AGRN: variants seen among roughly 807,000 people sequenced by gnomAD.
The protein encoded by AGRN is agrin, also known as agrin proteoglycan.
In AGRN, 106 loss-of-function variants were observed where a neutral mutation model predicts 211.0. That is an observed-to-expected ratio of 0.50 (90% CI 0.43 to 0.59). The LOEUF (loss-of-function observed/expected upper bound fraction) is 0.59, where lower values mean the gene tolerates loss of function less well. Ranked by LOEUF, AGRN falls within the 20% of genes least tolerant of loss-of-function variation. AGRN has a pLI of 0.00. For missense variants in AGRN, 3,040 were observed against 2,982.6 expected, an observed-to-expected ratio of 1.02 and a Z score of -0.45; for synonymous variants, 1,525 against 1,332.5, an observed-to-expected ratio of 1.14 and a Z score of -3.15.
At chr1:1,050,104 C>T (rs1430402512) in intron 27 of AGRN, 67 bp downstream of exon 27, 3 of 1,571,314 alleles carry the variant, frequency 1.9e-6, no homozygotes, top group South Asian at 1.1e-5. Flanking sequence ...GGTACAGGTT[C>T]CAGGTAGCAT....
At position 1,050,437 on chromosome 1, in the gene AGRN, G is replaced by A. The variant is rs780295605; in HGVS notation, c.4987G>A (p.Ala1663Thr). The A allele has an allele frequency of 8.1e-6, 13 of 1,612,918 alleles. No homozygotes were observed. The highest frequency in any genetic ancestry group is 3.3e-5 in the Admixed American group (2 of 59,992). Residue 1663 changes from alanine to threonine, a missense_variant, in exon 29 of 36, where the codon GCG becomes ACG. Transcript: ENST00000379370. The part of the protein sequence containing the change: ...TFARDLGEKM[A>T]LEVVFLARGP... ...TCCCCATGACCCCAGGGAGAAGATG[G>A]CGCTGGAGGTCGTGTTCCTGGCACG... is the stretch of plus-strand genomic sequence containing the variant.
At position 1,034,993 on chromosome 1, in the gene AGRN, T is replaced by C. The variant is rs565087789; in HGVS notation, c.464-284T>C. 7 of 561,238 alleles carry C rather than the reference T, an allele frequency of 1.2e-5. No homozygotes were observed. The South Asian group carries it at 1.5e-4, about 12-fold the overall frequency. 34.8% of individuals were successfully genotyped at this position (561,238 alleles called of 1,614,324 possible). On this transcript the variant is annotated intron_variant, in intron 2 of 35. Coordinates refer to ENST00000379370, the MANE Select transcript of AGRN (RefSeq NM_198576.4). The stretch of plus-strand genomic sequence containing the variant: ...TAGGGCAGGACCTGCGGTGGACTCT[T>C]CCAGGGAAGGGGGTCCTGCCTGCAC...
chr1:1,046,051 G>C lies in AGRN; in HGVS notation c.2768G>C (p.Cys923Ser). ...GAGTCTGGCTCAGCCCACTGTGTCT[G>C]CCCGATGCTCACCTGTCCAGAGGCC... is the stretch of plus-strand genomic sequence containing the variant. Reference protein sequence around the residue: ...VEESGSAHCVCPMLTCPEANA... With the variant: ...VEESGSAHCVSPMLTCPEANA... Residue 923 changes from cysteine (C) to serine (S), a missense_variant, in exon 16 of 36, where the codon TGC (cysteine) becomes TCC (serine). Cys to Ser is a moderately radical substitution (Grantham distance 112). This residue lies in a region of AGRN where 1,498 missense variants were observed against 1,457.8 expected (regional missense o/e 1.03). Coordinates refer to ENST00000379370, the MANE Select transcript of AGRN (RefSeq NM_198576.4). 1 of 1,614,048 alleles carries C rather than the reference G, an allele frequency of 6.2e-7. No individual in the cohort carries two copies. Among genetic ancestry groups the C allele is most frequent in the Non-Finnish European group, 8.5e-7 (1 of 1,180,012 alleles).
intron 2 of AGRN, among the ~76,000 whole-genome samples, chr1:1,022,902 G>C (rs1644441248): frequency 6.6e-6 from 1 of 152,262 alleles, no homozygotes; most frequent in Non-Finnish European, 1.5e-5. Context: ...TGCGGCGAGG[G>C]CTTCTGCGGA....
intron 3 of AGRN, among the ~76,000 whole-genome samples, chr1:1,039,708 G>T (rs1274676358): frequency 6.6e-6 from 1 of 152,026 alleles, no homozygotes; most frequent in African/African-American, 2.4e-5. Context: ...GCAGCTGTAA[G>T]AACTAAAATG....
At chr1:1,020,418 C>A in intron 1 of AGRN, 45 bp downstream of exon 1, 1 of 1,472,606 alleles carries the variant, frequency 6.8e-7, no homozygotes. Flanking sequence ...CGCCTGCCGC[C>A]CCGCCGGGAC....
chr1:1,042,416 C>G (rs1457315030), intron 7 of AGRN, among the ~76,000 whole-genome samples: 2 of 152,134 alleles, frequency 1.3e-5, no homozygotes, highest in Non-Finnish European at 1.5e-5. Context: ...CCCTGGGAGT[C>G]CTCTGGCCTG....
At chr1:1,034,651 C>A in intron 2 of AGRN, 2 of 988,380 alleles carry the variant, frequency 2.0e-6, no homozygotes, top group Non-Finnish European at 2.4e-6. Context: ...CCTGCCTGAT[C>A]CTGCTGGCCA....
chr1:1,047,863 C>A lies in AGRN; in HGVS notation c.3719C>A (p.Pro1240Gln), dbSNP rs142620337. The change falls in exon 22 of 36, where the codon CCG becomes CAG. Residue 1240 changes from proline to glutamine, a missense_variant. Pro to Gln is a moderately conservative substitution (Grantham distance 76). Coordinates refer to ENST00000379370, the MANE Select transcript of AGRN (RefSeq NM_198576.4). ...CGCCGGTCCTTGGGGGTGAGGCGGC[C>A]GCTGCAGGAGCACGTGCGATTTATG... ...SRRRSLGVRRPLQEHVRFMDF... is the reference protein window; with the variant it reads ...SRRRSLGVRRQLQEHVRFMDF... 2 of 1,605,756 alleles carry A rather than the reference C, an allele frequency of 1.2e-6. No homozygotes were observed. The highest frequency in any genetic ancestry group is 1.7e-5 in the Admixed American group (1 of 59,128).
chr1:1,023,058 G>A (rs1040803551), intron 2 of AGRN, among the ~76,000 whole-genome samples: 1 of 152,234 alleles, frequency 6.6e-6, no homozygotes, highest in African/African-American at 2.4e-5. Context: ...TCCCAGTTGG[G>A]GACTGAGATC....
In AGRN at chr1:1,051,284, C is replaced by T. The variant is rs764764048; in HGVS notation, c.5285C>T (p.Pro1762Leu). The change falls in exon 31 of 36, where the codon CCG becomes CTG. Residue 1762 changes from proline to leucine, a missense_variant. Around this residue, in one of 3 missense-constraint regions of AGRN, gnomAD observed 1,537 missense variants for 1,505.0 expected, o/e 1.02. Coordinates refer to ENST00000379370, the MANE Select transcript of AGRN (RefSeq NM_198576.4). The stretch of plus-strand genomic sequence containing the variant: ...CACACCGTCCTCAACCTGAAGGAGC[C>T]GCTCTACGTAGGGGGCGCTCCCGAC... ...VPHTVLNLKE[P>L]LYVGGAPDFS... The T allele has an allele frequency of 2.4e-5, 38 of 1,577,988 alleles. 1 individual carries two copies. Among genetic ancestry groups the T allele is most frequent in the South Asian group, 1.3e-4 (11 of 86,100 alleles).
At chr1:1,049,135 CAGCTCAGGTGGGTGGGGTGGGGACGGGGG>C (rs1447540572) in intron 24 of AGRN, 72 bp from the exon 25 acceptor site, 16 of 901,222 alleles carry the variant, frequency 1.8e-5, no homozygotes, top group Middle Eastern at 4.0e-4. Flanking sequence ...GGGGCCGGGG[CAGCTCAGGTGGGTGGGGTGGGGACGGGGG>C]CGGGGCAGCT....
At chr1:1,047,265 G>C in intron 19 of AGRN, 62 bp from the exon 20 acceptor site, 1 of 1,543,340 alleles carries the variant, frequency 6.5e-7, no homozygotes, top group Non-Finnish European at 8.7e-7. Flanking sequence ...TGGGGCCTGT[G>C]CCTGGGCCAG....
chr1:1,041,484 G>A lies in AGRN; in HGVS notation c.959G>A (p.Cys320Tyr). 6.3e-7 allele frequency: 1 copy of A among 1,593,190 alleles called. No homozygotes were observed. Among genetic ancestry groups the A allele is most frequent in the East Asian group, 2.3e-5 (1 of 44,444 alleles). ...TCCTGCCCTCGACCCCCAGACCCCT[G>A]TCAGGGCGCCCTCCCTGACCCGAGC... Reference protein sequence around the residue: ...FKKFDGPCDPCQGALPDPSRS... With the variant: ...FKKFDGPCDPYQGALPDPSRS... The change falls in exon 6 of 36, where the codon TGT becomes TAT. Residue 320 changes from cysteine to tyrosine, a missense_variant. Coordinates refer to ENST00000379370, the MANE Select transcript of AGRN (RefSeq NM_198576.4).
In AGRN at chr1:1,048,429, G is replaced by A. The variant is rs1645165970; in HGVS notation, c.4105+64G>A. On this transcript the variant is annotated intron_variant, in intron 23 of 35. Transcript: ENST00000379370. The surrounding 1 kb of genome is among the most constrained non-coding windows in gnomAD (Gnocchi z 5.9). ...AGGGTGGGGGCAAGGATTGGGGGTGGGGCTAAGCCACCATCAGGCTTTGAG... is the reference window on the plus strand; with the variant it reads ...AGGGTGGGGGCAAGGATTGGGGGTGAGGCTAAGCCACCATCAGGCTTTGAG... The A allele has an allele frequency of 3.2e-6, 4 of 1,237,698 alleles. No homozygotes were observed. The Admixed American group carries it at 1.2e-4, about 36-fold the overall frequency. The allele number at this position is 1,237,698 out of a possible 1,614,324, so 76.7% of individuals were successfully genotyped here.
chr1:1,049,130 C>A (rs1266906156), intron 24 of AGRN, 71 bp downstream of exon 24: 1 of 361,692 alleles, frequency 2.8e-6, no homozygotes, highest in Non-Finnish European at 4.3e-6. Flanking sequence ...GAGGGGGGGC[C>A]GGGGCAGCTC....
In AGRN at chr1:1,054,472, G is replaced by T. The variant is rs1474940071; in HGVS notation, c.5901G>T (p.Gln1967His). The T allele has an allele frequency of 2.5e-6, 4 of 1,597,920 alleles. No homozygotes were observed. The highest frequency in any genetic ancestry group is 3.4e-6 in the Non-Finnish European group (4 of 1,172,838). The change falls in exon 35 of 36, where the codon CAG becomes CAT. Residue 1967 changes from glutamine to histidine, a missense_variant. Around this residue, in one of 3 missense-constraint regions of AGRN, gnomAD observed 1,537 missense variants for 1,505.0 expected, o/e 1.02. Transcript: ENST00000379370. ...AHREQREGSL[Q>H]VGNEAPVTGS... The stretch of plus-strand genomic sequence containing the variant: ...GGGAGCAGAGGGAAGGTTCCCTGCA[G>T]GTGGGCAATGAGGCCCCTGTGACCG...
intron 2 of AGRN, among the ~76,000 whole-genome samples, chr1:1,030,354 G>T: frequency 7.1e-6 from 1 of 141,234 alleles, no homozygotes; most frequent in Admixed American, 7.2e-5. Flanking sequence ...TGTGTGCAGC[G>T]CATGGTGCTG....
At chr1:1,027,296 G>A (rs551372810) in intron 2 of AGRN, among the ~76,000 whole-genome samples, 1 of 152,356 alleles carries the variant, frequency 6.6e-6, no homozygotes, top group South Asian at 2.1e-4. Flanking sequence ...AGATGTACCA[G>A]CCTGTGCACT....
Sources: gnomAD v4.1 joint callset for allele counts (sites outside exome capture counted in the v4.1 genomes callset) on GRCh38, gnomAD v4.1.1 for gene constraint, gnomAD v4.1.1 regional missense constraint, Gnocchi (gnomAD v3.1) non-coding constraint, MANE v1.5 for transcripts, NCBI Gene and HGNC (gene_info 2026-07-23, HGNC 2026-07-21) for gene names.